The following POLN variants were observed in gnomAD, a reference collection of about 807,000 sequenced individuals.
POLN encodes DNA polymerase nu.
A neutral mutation model predicts 113.5 loss-of-function variants in POLN; 108 were observed. The ratio of observed to expected loss-of-function variants is 0.95; its 90% CI spans 0.81 to 1.12. The LOEUF (loss-of-function observed/expected upper bound fraction) is 1.12. Ranked by LOEUF, POLN falls within the 50% of genes most tolerant of loss-of-function variation. POLN has a pLI of 0.00. For synonymous variants in POLN, 386 were observed against 391.5 expected (o/e 0.99, Z 0.17); for missense variants, 1,097 against 1,077.1 (o/e 1.02, Z -0.26).
At chr4:2,176,421 T>C (rs1732997891) in intron 8 of POLN, 87 bp from the exon 9 acceptor site, 2 of 1,058,968 alleles carry the variant, frequency 1.9e-6, no homozygotes, top group Non-Finnish European at 2.7e-6. Flanking sequence ...ACTTGAAAAA[T>C]GTTTCCTAGT....
intron 19 of POLN, among the ~76,000 whole-genome samples, chr4:2,100,617 C>T (rs191024326): frequency 3.2e-4 from 49 of 152,184 alleles, no homozygotes; most frequent in Admixed American, 1.2e-3. Context: ...CTTAAGAAAG[C>T]AATTCTAAAT....
rs548759641 is a variant in POLN, at chr4:2,101,142, A to G, written c.1983-5209T>C. Among the ~76,000 whole-genome samples, 6 of 152,238 alleles carry G rather than the reference A, an allele frequency of 3.9e-5. No homozygotes were observed. In the South Asian group the frequency reaches 1.2e-3, roughly 32 times the overall value. ...TGGGGTCCAGATTGAGTACATGCCT[A>G]AACATGAAAAAAAAAAATCAAAACT... On this transcript the variant is annotated intron_variant, in intron 19 of 25. Transcript: ENST00000511885.
At chr4:2,151,795 G>T (rs1379634283) in intron 16 of POLN, among the ~76,000 whole-genome samples, 1 of 152,230 alleles carries the variant, frequency 6.6e-6, no homozygotes, top group East Asian at 1.9e-4. Flanking sequence ...CAGCAAGTCA[G>T]TGGTGGCCAA....
intron 24 of POLN, 107 bp from the exon 25 acceptor site, chr4:2,073,136 C>T (rs1225661631): frequency 3.8e-6 from 4 of 1,062,684 alleles, no homozygotes; most frequent in Non-Finnish European, 5.6e-6. Flanking sequence ...GCCCCTGAGC[C>T]CCCTTGTTTC....
At chr4:2,189,511 C>T (rs1292890795) in intron 7 of POLN, among the ~76,000 whole-genome samples, 2 of 150,722 alleles carry the variant, frequency 1.3e-5, no homozygotes, top group African/African-American at 4.9e-5. Context: ...TGGTGGCGGG[C>T]GCCTGTAGTC....
chr4:2,078,880 C>G lies in POLN; in HGVS notation c.2387+2078G>C, dbSNP rs76632547. ...AGTCAGCAACAGAGAGAGACCTCAG[C>G]TCCTCACATGCCAACTTCCTTTATC... On this transcript the variant is annotated intron_variant, in intron 23 of 25. Coordinates refer to ENST00000511885, the MANE Select transcript of POLN (RefSeq NM_181808.4). 2.2e-3 allele frequency: 2,163 copies of G among 985,468 alleles called. 30 individuals carry two copies. The African/African-American group carries it at 0.032, about 15-fold the overall frequency. 61.0% of individuals were successfully genotyped at this position (985,468 alleles called of 1,614,324 possible).
In POLN at chr4:2,221,376, A is replaced by T. The variant is rs372561185; in HGVS notation, c.133+7723T>A. On this transcript the variant is annotated intron_variant, in intron 3 of 25. Coordinates refer to ENST00000511885, the MANE Select transcript of POLN (RefSeq NM_181808.4). ...AGTCACTAAGCTAAAGGGAAAAGTC[A>T]AGGTGGGAACTGCTTAGGGCAAACC... Among the ~76,000 whole-genome samples, 3 of 152,332 alleles carry T rather than the reference A, an allele frequency of 2.0e-5. No homozygotes were observed. The East Asian group carries it at 5.8e-4, about 29-fold the overall frequency.
At chr4:2,200,271 T>C (rs934190980) in intron 5 of POLN, among the ~76,000 whole-genome samples, 4 of 152,188 alleles carry the variant, frequency 2.6e-5, no homozygotes, top group Non-Finnish European at 4.4e-5. Flanking sequence ...CAAAACTTAC[T>C]ATAAAGCGCC....
At chr4:2,148,922 A>G (rs951275670) in intron 16 of POLN, among the ~76,000 whole-genome samples, 5 of 152,032 alleles carry the variant, frequency 3.3e-5, no homozygotes, top group African/African-American at 1.2e-4. Context: ...AAGTATTGAG[A>G]AAAAAAACCT....
At chr4:2,083,860 C>T (rs955726259) in intron 21 of POLN, among the ~76,000 whole-genome samples, 2 of 152,122 alleles carry the variant, frequency 1.3e-5, no homozygotes, top group African/African-American at 2.4e-5. Flanking sequence ...CAGTCCTAGC[C>T]GAATTAAGCT....
chr4:2,212,979 C>T, intron 4 of POLN, 68 bp downstream of exon 4: 3 of 1,112,756 alleles, frequency 2.7e-6, no homozygotes, highest in Non-Finnish European at 3.9e-6. Flanking sequence ...CACAGTAGAA[C>T]ACTTAATAAG....
intron 3 of POLN, chr4:2,228,348 C>CT (rs531222767): frequency 0.039 from 7,386 of 187,898 alleles, 20 homozygotes; most frequent in South Asian, 0.095. Flanking sequence ...ACTGCTTTCA[C>CT]TTTTTTTTTT....
intron 13 of POLN, among the ~76,000 whole-genome samples, chr4:2,164,698 G>A (rs1444030477): frequency 1.3e-5 from 2 of 150,254 alleles, no homozygotes; most frequent in African/African-American, 2.5e-5. Flanking sequence ...AACTACTCGG[G>A]AGGCTGAGGC....
At chr4:2,168,115 C>T (rs1411412297) in intron 13 of POLN, among the ~76,000 whole-genome samples, 2 of 152,194 alleles carry the variant, frequency 1.3e-5, no homozygotes, top group Admixed American at 1.3e-4. Context: ...ATGTCCCAGG[C>T]ATTGTACTAA....
At chr4:2,123,970 T>C (rs948567582) in intron 19 of POLN, among the ~76,000 whole-genome samples, 3 of 152,298 alleles carry the variant, frequency 2.0e-5, no homozygotes, top group African/African-American at 4.8e-5. Context: ...TATTGAAATA[T>C]ATAGAATATA....
At chr4:2,203,771 G>A (rs1436867200) in intron 5 of POLN, among the ~76,000 whole-genome samples, 2 of 151,866 alleles carry the variant, frequency 1.3e-5, no homozygotes, top group African/African-American at 4.8e-5. Flanking sequence ...CACGATCAGA[G>A]CAGAACTCAA....
intron 19 of POLN, among the ~76,000 whole-genome samples, chr4:2,114,584 C>T (rs1731273462): frequency 6.6e-6 from 1 of 152,186 alleles, no homozygotes; most frequent in Non-Finnish European, 1.5e-5. Flanking sequence ...TCCACTGTGC[C>T]TGGTAAAAAG....
chr4:2,228,926 G>A, intron 3 of POLN, 173 bp downstream of exon 3: 3 of 522,202 alleles, frequency 5.7e-6, no homozygotes, highest in Non-Finnish European at 6.7e-6. Context: ...AGCAATGAAG[G>A]TTAAGGGAAC....
chr4:2,172,169 CTAAAG>C (rs1732877539), intron 11 of POLN, among the ~76,000 whole-genome samples: 1 of 152,184 alleles, frequency 6.6e-6, no homozygotes, highest in Non-Finnish European at 1.5e-5. Flanking sequence ...GTCCAGAGCT[CTAAAG>C]TAGAGTCAGG....
Sources: gnomAD v4.1 joint callset for allele counts (sites outside exome capture counted in the v4.1 genomes callset) on GRCh38, gnomAD v4.1.1 for gene constraint, MANE v1.5 for transcripts, NCBI Gene and HGNC (gene_info 2026-07-23, HGNC 2026-07-21) for gene names.